TIAM1: variants seen among roughly 807,000 people sequenced by gnomAD.
TIAM1 encodes TIAM Rac1 associated GEF 1, also known as rho guanine nucleotide exchange factor TIAM1.
In TIAM1, 65 loss-of-function variants were observed where a neutral mutation model predicts 163.5. The observed-to-expected ratio is 0.40, with a 90% CI of 0.33 to 0.49. The LOEUF is 0.49. Ranked by LOEUF, TIAM1 falls within the 20% of genes least tolerant of loss-of-function variation. TIAM1 has a pLI of 0.77. For missense variants in TIAM1, 1,789 were observed against 2,044.7 expected (o/e 0.87, Z 2.41); for synonymous variants, 833 against 810.1 (o/e 1.03, Z -0.48).
chr21:31,350,092 T>C (rs952750290), intron 2 of TIAM1, among the ~76,000 whole-genome samples: 4 of 152,214 alleles, frequency 2.6e-5, no homozygotes, highest in Non-Finnish European at 5.9e-5. Context: ...CTGGCACTAG[T>C]TACGTGTCAG....
rs199978005 is a variant in TIAM1, at chr21:31,127,412, C to CT, written c.4046-261dup. Among the ~76,000 whole-genome samples the CT allele has an allele frequency of 6.5e-3, 908 of 140,712 alleles. 7 individuals carry two copies. The highest frequency in any genetic ancestry group is 0.058 in the Middle Eastern group (16 of 276). 92.3% of individuals were successfully genotyped at this position (140,712 alleles called of 152,430 possible). A position where few individuals can be genotyped will look rare whatever the true frequency, so the allele number is the denominator to read the frequency against. ...TAAAAGGTCAATCATATGGACCGAA[C>CT]TTTTTTTTTTTTTTTTTCTTTTTTG... On this transcript the variant is annotated intron_variant, in intron 25 of 27. Transcript: ENST00000541036.
intron 6 of TIAM1, among the ~76,000 whole-genome samples, chr21:31,231,838 C>T (rs936444070): frequency 2.0e-5 from 3 of 152,074 alleles, no homozygotes; most frequent in African/African-American, 4.8e-5. Flanking sequence ...CATGGTGAAA[C>T]CCCGTCTCTA....
intron 1 of TIAM1, among the ~76,000 whole-genome samples, chr21:31,513,759 G>A (rs2047289159): frequency 6.6e-6 from 1 of 152,166 alleles, no homozygotes; most frequent in South Asian, 2.1e-4. Flanking sequence ...TGTAATTCCA[G>A]CACTTTGGGA....
At chr21:31,528,949 A>G (rs1173803516) in intron 1 of TIAM1, among the ~76,000 whole-genome samples, 1 of 75,262 alleles carries the variant, frequency 1.3e-5, no homozygotes, top group Admixed American at 1.4e-4. Context: ...TTTTTGAGAC[A>G]GAGTCTCAGT....
intron 2 of TIAM1, among the ~76,000 whole-genome samples, chr21:31,428,441 T>C (rs1336574754): frequency 6.6e-6 from 1 of 152,216 alleles, no homozygotes; most frequent in African/African-American, 2.4e-5. Flanking sequence ...CTATTACTCA[T>C]GATATACATT....
chr21:31,214,242 T>C (rs2087047017), intron 9 of TIAM1, among the ~76,000 whole-genome samples: 1 of 151,808 alleles, frequency 6.6e-6, no homozygotes, highest in African/African-American at 2.4e-5. Flanking sequence ...GGAGGATCAC[T>C]TGTGCCCTGG....
chr21:31,528,983 G>A lies in TIAM1; in HGVS notation c.-422+29944C>T, dbSNP rs539311059. ...GTCGCCCAGGCTGGAGTGCAGTGGCGCGATCTCAGCTCACTACAAGCTCCG... is the reference window on the plus strand; with the variant it reads ...GTCGCCCAGGCTGGAGTGCAGTGGCACGATCTCAGCTCACTACAAGCTCCG... On this transcript the variant is annotated intron_variant, in intron 1 of 28. Coordinates refer to the TIAM1 transcript ENST00000286827. Among the ~76,000 whole-genome samples, 19 of 143,184 alleles carry A rather than the reference G, an allele frequency of 1.3e-4. No individual in the cohort carries two copies. The South Asian group carries it at 3.3e-3, about 25-fold the overall frequency. 93.9% of individuals were successfully genotyped at this position (143,184 alleles called of 152,430 possible).
intron 25 of TIAM1, among the ~76,000 whole-genome samples, chr21:31,127,649 C>G (rs1465371152): frequency 6.6e-6 from 1 of 152,124 alleles, no homozygotes; most frequent in Non-Finnish European, 1.5e-5. Context: ...AACTCCTGAT[C>G]TCATGATCCA....
At chr21:31,250,166 A>AAAAAAG (rs1569104868) in intron 5 of TIAM1, among the ~76,000 whole-genome samples, 1 of 147,654 alleles carries the variant, frequency 6.8e-6, no homozygotes, top group African/African-American at 2.7e-5. Flanking sequence ...AAAAAAAAAA[A>AAAAAAG]AAAAAGAAAA....
intron 15 of TIAM1, 97 bp from the exon 16 acceptor site, chr21:31,165,162 ATGTACATATAC>A (rs2084147391): frequency 1.9e-6 from 2 of 1,039,252 alleles, no homozygotes; most frequent in South Asian, 1.3e-5. Context: ...CGCTCATGAC[ATGTACATATAC>A]TGTAAGACCC....
upstream of TIAM1, among the ~76,000 whole-genome samples, chr21:31,346,247 A>C: frequency 6.6e-6 from 1 of 152,192 alleles, no homozygotes; most frequent in Non-Finnish European, 1.5e-5. Flanking sequence ...CCTGTCATTT[A>C]ATTAATGTAT....
chr21:31,412,604 A>G (rs2077378286), intron 2 of TIAM1, among the ~76,000 whole-genome samples: 1 of 151,918 alleles, frequency 6.6e-6, no homozygotes, highest in Admixed American at 6.6e-5. Flanking sequence ...CAACATGGTG[A>G]AACCCCATCT....
At chr21:31,387,612 G>A (rs189061673) in intron 2 of TIAM1, among the ~76,000 whole-genome samples, 139 of 152,202 alleles carry the variant, frequency 9.1e-4, no homozygotes, top group Non-Finnish European at 1.6e-3. Context: ...CTTGTCCCAC[G>A]GAGGTAGCCA....
chr21:31,393,574 T>C (rs186621926), intron 2 of TIAM1, among the ~76,000 whole-genome samples: 15 of 152,312 alleles, frequency 9.8e-5, no homozygotes, highest in Non-Finnish European at 1.9e-4. Flanking sequence ...ATGTCGGGAA[T>C]CCTCTCCACC....
chr21:31,488,226 C>T (rs930455301), intron 1 of TIAM1, among the ~76,000 whole-genome samples: 1 of 152,170 alleles, frequency 6.6e-6, no homozygotes, highest in Non-Finnish European at 1.5e-5. Context: ...ACTGAGTACT[C>T]CAGGGAGCTT....
At chr21:31,342,541 A>T (rs972718937) in intron 1 of TIAM1, among the ~76,000 whole-genome samples, 2 of 152,198 alleles carry the variant, frequency 1.3e-5, no homozygotes, top group African/African-American at 4.8e-5. Context: ...GTAGCTAAGA[A>T]TTATTGTTCC....
intron 25 of TIAM1, among the ~76,000 whole-genome samples, chr21:31,129,319 T>C (rs2082322275): frequency 6.6e-6 from 1 of 152,198 alleles, no homozygotes; most frequent in East Asian, 1.9e-4. Context: ...CGTCTAATTA[T>C]ATTATGAAGT....
At chr21:31,503,040 C>T (rs2046898610) in intron 1 of TIAM1, among the ~76,000 whole-genome samples, 1 of 152,158 alleles carries the variant, frequency 6.6e-6, no homozygotes, top group South Asian at 2.1e-4. Flanking sequence ...GTTGCAGTGA[C>T]ATGGCTAAAT....
At chr21:31,194,253 A>G (rs142374102) in intron 13 of TIAM1, among the ~76,000 whole-genome samples, 2,791 of 152,280 alleles carry the variant, frequency 0.018, 84 homozygotes, top group African/African-American at 0.064. Flanking sequence ...AAGCCGCTTC[A>G]GTATAATTTG....
Sources: allele counts gnomAD v4.1 joint callset (sites outside exome capture counted in the v4.1 genomes callset), GRCh38; gene constraint gnomAD v4.1.1; transcripts MANE v1.5; gene names NCBI Gene and HGNC (gene_info 2026-07-23, HGNC 2026-07-21).